The following DNA2 variants were observed in gnomAD, a reference collection of about 807,000 sequenced individuals.
DNA2 encodes the protein DNA replication helicase/nuclease 2, also known as DNA replication ATP-dependent helicase/nuclease DNA2.
In DNA2, 101 loss-of-function variants were observed where a neutral mutation model predicts 119.1. That is an observed-to-expected ratio of 0.85 (90% confidence interval 0.72 to 1.00). The LOEUF is 1.00. Among genes scored for constraint, DNA2 ranks in the 50% least tolerant of loss-of-function variants. The probability of loss-of-function intolerance (pLI) is 0.00; values close to 1 mark genes in which losing one functional copy is unlikely to be tolerated. For synonymous variants in DNA2, 366 were observed against 424.4 expected (o/e 0.86, Z 1.69); for missense variants, 1,121 against 1,255.5 (o/e 0.89, Z 1.62).
rs2133449609 is a variant in DNA2 at position 68,468,177 on chromosome 10, G to A, written c.387C>T (p.Ser129=). 6.2e-7 allele frequency: 1 copy of A among 1,611,254 alleles called. No homozygotes were observed. The highest frequency in any genetic ancestry group is 8.5e-7 in the Non-Finnish European group (1 of 1,178,978). The change falls in exon 3 of 21, where the codon AGC becomes AGT. Residue 129 remains serine (S), a synonymous_variant. Transcript: ENST00000358410. ...TCATACATCGAATACTACTGGCTAT[G>A]CTGGTGCCAGAAATCAGCATGTCTG... ...LYPDMLISGT[S]IASSIRCMRR... is the part of the protein sequence containing the mutation.
Position 68,450,152 on chromosome 10 carries a change from A to G in DNA2, c.815T>C (p.Leu272Ser). 1 of 1,608,248 alleles carries G rather than the reference A, an allele frequency of 6.2e-7. No homozygotes were observed. Among genetic ancestry groups the G allele is most frequent in the African/African-American group, 1.3e-5 (1 of 74,950 alleles). Residue 272 changes from leucine (L) to serine (S), a missense_variant, in exon 6 of 21, where the codon TTG (leucine) becomes TCG (serine). By Grantham distance (145) the Leu-to-Ser change is moderately radical (BLOSUM62 -2). Transcript: ENST00000358410. ...AACTGTAACATCTATTTTGCCTTTC[A>G]ATCCAAACCTAGGGGACCAAATGCT... ...EESIWSPRFG[L>S]KGKIDVTVGV... is the part of the protein sequence containing the mutation.
rs1240925268 is a variant in DNA2, at chr10:68,424,696, C to A, written c.2209-1806G>T. 9.3e-6 allele frequency: 15 copies of A among 1,606,034 alleles called. No individual in the cohort carries two copies. The Admixed American group carries it at 2.5e-4, about 27-fold the overall frequency. On this transcript the variant is annotated intron_variant, in intron 14 of 20. Transcript: ENST00000358410. ...CTGCGGCAGAAGTACAATGTCCGCT[C>A]CACACCCATCCGCAAGGACGACGAG...
At chr10:68,418,965 GC>G in intron 19 of DNA2, 68 bp downstream of exon 19, 3 of 1,436,116 alleles carry the variant, frequency 2.1e-6, no homozygotes, top group South Asian at 1.4e-5. Context: ...GAGCCACCGC[GC>G]CCGGCCCACA....
chr10:68,415,291 T>C (rs113079059), intron 20 of DNA2, among the ~76,000 whole-genome samples, 184 bp from the exon 21 acceptor site: 1 of 147,838 alleles, frequency 6.8e-6, no homozygotes, highest in Non-Finnish European at 1.5e-5. Context: ...TTTTTTTTTT[T>C]CTGAGATGGA....
At chr10:68,442,188 T>C (rs2051978038) in intron 9 of DNA2, among the ~76,000 whole-genome samples, 1 of 151,840 alleles carries the variant, frequency 6.6e-6, no homozygotes, top group Non-Finnish European at 1.5e-5. Context: ...GTGCTGGGAT[T>C]ACAGGCATGA....
chr10:68,461,912 C>G lies in DNA2; in HGVS notation c.588-2677G>C, dbSNP rs2052265173. Among the ~76,000 whole-genome samples the G allele has an allele frequency of 2.0e-5, 3 of 150,512 alleles. No individual in the cohort carries two copies. In the South Asian group the frequency reaches 6.3e-4, roughly 32 times the overall value. On this transcript the variant is annotated intron_variant, in intron 4 of 20. Transcript: ENST00000358410. The stretch of plus-strand genomic sequence containing the variant: ...TGATAATTTCATCATTGCACTCCAG[C>G]CTGGGCAACAGAGAGACACCTTACC...
chr10:68,446,303 ATCT>A lies in DNA2; in HGVS notation c.1047_1049del (p.Asp350del). The A allele has an allele frequency of 6.4e-7, 1 of 1,572,144 alleles. No individual in the cohort carries two copies. Among genetic ancestry groups the A allele is most frequent in the Admixed American group, 1.9e-5 (1 of 53,290 alleles). The stretch of plus-strand genomic sequence containing the variant: ...AAAAAAAAACGGCTCAACCTCTTTT[ATCT>A]AGATGGTTGGCAGGCACAGGGTACA... On this transcript the variant is annotated inframe_deletion, in exon 7 of 21. Transcript: ENST00000358410.
chr10:68,464,829 C>CAG (rs2052306472), intron 4 of DNA2, among the ~76,000 whole-genome samples: 1 of 40,652 alleles, frequency 2.5e-5, no homozygotes, highest in Admixed American at 4.5e-4. Context: ...AACTCCACCT[C>CAG]AAAAAAAAAA....
Position 68,442,906 on chromosome 10 carries a change from G to C in DNA2, c.1415+11C>G, listed in dbSNP as rs767950371. ...CTACTGAAATCTTACTGTACTAAATGGACCACTTACATTTCCGAAGCAGGC... is the reference window on the plus strand; with the variant it reads ...CTACTGAAATCTTACTGTACTAAATCGACCACTTACATTTCCGAAGCAGGC... On this transcript the variant is annotated intron_variant, in intron 9 of 20. Transcript: ENST00000358410. The C allele has an allele frequency of 6.2e-7, 1 of 1,602,408 alleles. No homozygotes were observed. Among genetic ancestry groups the C allele is most frequent in the Non-Finnish European group, 8.5e-7 (1 of 1,174,712 alleles).
chr10:68,429,274 G>A (rs2051784090), intron 14 of DNA2, among the ~76,000 whole-genome samples: 1 of 150,666 alleles, frequency 6.6e-6, no homozygotes, highest in Admixed American at 6.6e-5. Flanking sequence ...GCCGGGCGCA[G>A]TAGTTCACGC....
intron 9 of DNA2, among the ~76,000 whole-genome samples, chr10:68,442,680 A>C (rs1564887200): frequency 6.6e-6 from 1 of 152,200 alleles, no homozygotes; most frequent in Non-Finnish European, 1.5e-5. Context: ...AGATTTCTTG[A>C]GGTATATTTA....
chr10:68,470,683 A>G, intron 1 of DNA2: 1 of 404,556 alleles, frequency 2.5e-6, no homozygotes. Context: ...CACTGGTGCA[A>G]GCCTTCCCAA....
intron 4 of DNA2, among the ~76,000 whole-genome samples, chr10:68,465,041 T>C (rs1374373030): frequency 1.4e-5 from 2 of 145,594 alleles, no homozygotes; most frequent in African/African-American, 2.6e-5. Flanking sequence ...TTTTTTGAGA[T>C]GGAGTCTTGC....
chr10:68,420,034 A>C lies in DNA2; in HGVS notation c.2698-142T>G, dbSNP rs2051644594. The stretch of plus-strand genomic sequence containing the variant: ...AAGATGAAGGTGAAAGAATCAACAA[A>C]AATGAATATTAATATTAGTCACTTT... On this transcript the variant is annotated intron_variant, in intron 17 of 20. Coordinates refer to ENST00000358410, the MANE Select transcript of DNA2 (RefSeq NM_001080449.3). The C allele has an allele frequency of 2.0e-5, 14 of 685,940 alleles. No homozygotes were observed. The East Asian group carries it at 3.2e-4, about 16-fold the overall frequency. The allele number at this position is 685,940 out of a possible 1,614,324, so 42.5% of individuals were successfully genotyped here.
intron 1 of DNA2, 101 bp downstream of exon 1, chr10:68,471,689 GC>G (rs1340217359): frequency 3.4e-5 from 48 of 1,392,916 alleles, no homozygotes; most frequent in Non-Finnish European, 4.3e-5. Flanking sequence ...GGGTCCCTGG[GC>G]CCCGGGCCCG....
intron 12 of DNA2, 90 bp downstream of exon 12, chr10:68,432,116 T>G: frequency 8.8e-7 from 1 of 1,131,666 alleles, no homozygotes; most frequent in Non-Finnish European, 1.3e-6. Flanking sequence ...AACATTGTAG[T>G]TGCAAGTCTA....
chr10:68,462,388 A>G (rs1452245468), intron 4 of DNA2, among the ~76,000 whole-genome samples: 2 of 152,218 alleles, frequency 1.3e-5, no homozygotes, highest in Non-Finnish European at 2.9e-5. Flanking sequence ...CACAGCAAAA[A>G]TGAATATACA....
At chr10:68,433,270 T>A (rs1283322011) in intron 10 of DNA2, among the ~76,000 whole-genome samples, 1 of 152,084 alleles carries the variant, frequency 6.6e-6, no homozygotes, top group Non-Finnish European at 1.5e-5. Context: ...ACACACCCAA[T>A]CAGTATCCAA....
chr10:68,453,096 T>C (rs572437368), intron 5 of DNA2, among the ~76,000 whole-genome samples: 1 of 151,772 alleles, frequency 6.6e-6, no homozygotes, highest in Non-Finnish European at 1.5e-5. Context: ...GAGATAGGGT[T>C]TCACCATGTT....
Sources: allele counts gnomAD v4.1 joint callset (sites outside exome capture counted in the v4.1 genomes callset), GRCh38; gene constraint gnomAD v4.1.1; transcripts MANE v1.5; gene names NCBI Gene and HGNC (gene_info 2026-07-23, HGNC 2026-07-21).